The following HHLA2 variants were observed in gnomAD, a reference collection of about 807,000 sequenced individuals.
HHLA2 encodes HHLA2 member of B7 family, also known as HERV-H LTR-associating protein 2.
A neutral mutation model predicts 45.9 loss-of-function variants in HHLA2; 48 were observed. The ratio of observed to expected loss-of-function variants is 1.05; its 90% CI spans 0.83 to 1.33. HHLA2 has a LOEUF of 1.33. HHLA2 is among the 40% of genes most tolerant of loss of function. HHLA2 has a pLI of 0.00. For synonymous variants in HHLA2, 161 were observed against 173.9 expected, an observed-to-expected ratio of 0.93 and a Z score of 0.59; for missense variants, 462 against 494.3, an observed-to-expected ratio of 0.93 and a Z score of 0.62.
chr3:108,338,261 T>C (rs941374874), intron 3 of HHLA2, among the ~76,000 whole-genome samples: 5 of 152,050 alleles, frequency 3.3e-5, no homozygotes, highest in African/African-American at 1.2e-4. Flanking sequence ...AAATATTTCA[T>C]ATATTTGAAT....
At chr3:108,332,610 A>G (rs2081405554) in intron 3 of HHLA2, among the ~76,000 whole-genome samples, 1 of 152,168 alleles carries the variant, frequency 6.6e-6, no homozygotes, top group Non-Finnish European at 1.5e-5. Flanking sequence ...ATGCAAATTC[A>G]TTTGCAGGCT....
rs751863436 is a variant in HHLA2, at chr3:108,376,488, T to G, written c.1160-5T>G. On this transcript the variant is annotated splice_polypyrimidine_tract_variant and splice_region_variant and intron_variant, in intron 9 of 10. Transcript: ENST00000619531. ...ATTTTTAAGTTCTCTTTTTTTTTCC[T>G]GTAGAAAGATGTTGTGTCCCTCCTG... 6.9e-6 allele frequency: 11 copies of G among 1,593,902 alleles called. 1 individual carries two copies. In the South Asian group the frequency reaches 1.3e-4, roughly 18 times the overall value.
intron 8 of HHLA2, among the ~76,000 whole-genome samples, chr3:108,375,021 A>C (rs2082247283): frequency 6.7e-6 from 1 of 149,532 alleles, no homozygotes; most frequent in Admixed American, 6.7e-5. Flanking sequence ...CTATAAAGAC[A>C]CATGCACACG....
chr3:108,326,801 T>A (rs1381108219), intron 2 of HHLA2: 1 of 152,526 alleles, frequency 6.6e-6, no homozygotes, highest in East Asian at 1.9e-4. Context: ...TTTAGGAGAC[T>A]CTGACTTAGA....
chr3:108,364,457 T>TGC (rs2082030877), intron 8 of HHLA2, among the ~76,000 whole-genome samples: 1 of 152,224 alleles, frequency 6.6e-6, no homozygotes, highest in African/African-American at 2.4e-5. Context: ...TAAACATACA[T>TGC]GTGCATGTGT....
chr3:108,324,014 C>T (rs893984144), intron 2 of HHLA2, among the ~76,000 whole-genome samples: 4 of 152,128 alleles, frequency 2.6e-5, no homozygotes, highest in African/African-American at 9.7e-5. Context: ...AAATGCCAGA[C>T]TTAAGATTTC....
chr3:108,319,807 T>C (rs934647002), intron 2 of HHLA2, among the ~76,000 whole-genome samples: 1 of 152,256 alleles, frequency 6.6e-6, no homozygotes, highest in Non-Finnish European at 1.5e-5. Context: ...TTAGTTCTCA[T>C]TGAAGCACTT....
chr3:108,321,552 C>G (rs1276314963), intron 2 of HHLA2, among the ~76,000 whole-genome samples: 1 of 152,050 alleles, frequency 6.6e-6, no homozygotes, highest in African/African-American at 2.4e-5. Context: ...CTGGCCCTTT[C>G]TATTAGCTTT....
chr3:108,321,091 T>TAAAAAAAAAAAAAAAAAAAAAAAAAAAA (rs67374827), intron 2 of HHLA2, among the ~76,000 whole-genome samples: 10 of 101,418 alleles, frequency 9.9e-5, no homozygotes, highest in South Asian at 3.8e-4. Context: ...TCCAGGTGTT[T>TAAAAAAAAAAAAAAAAAAAAAAAAAAAA]AAAAAAAAAA....
At chr3:108,353,466 A>G (rs1039217168) in exon 5 of HHLA2, 3 of 1,598,226 alleles carry the variant, frequency 1.9e-6, no homozygotes, top group Non-Finnish European at 2.6e-6. Flanking sequence ...GTTCCTATGA[A>G]TGAACAAATC....
chr3:108,352,100 T>A (rs1277828185), intron 4 of HHLA2, among the ~76,000 whole-genome samples: 1 of 152,164 alleles, frequency 6.6e-6, no homozygotes, highest in Non-Finnish European at 1.5e-5. Flanking sequence ...ATCTGTTGTC[T>A]GCTACCAGAA....
chr3:108,320,922 C>T (rs894654085), intron 2 of HHLA2, among the ~76,000 whole-genome samples: 1 of 151,954 alleles, frequency 6.6e-6, no homozygotes, highest in Non-Finnish European at 1.5e-5. Flanking sequence ...AAGCTTGTTC[C>T]AGCTCGCAGA....
intron 7 of HHLA2, among the ~76,000 whole-genome samples, chr3:108,361,056 G>A (rs1457241833): frequency 6.6e-6 from 1 of 152,164 alleles, no homozygotes; most frequent in Non-Finnish European, 1.5e-5. Context: ...GCAGGGTTCT[G>A]ACTTTGGTAA....
At chr3:108,302,367 C>T (rs577463094) in intron 1 of HHLA2, 3 of 152,154 alleles carry the variant, frequency 2.0e-5, no homozygotes, top group South Asian at 4.1e-4. Flanking sequence ...CCTGACAGTA[C>T]GCTGAGACAA....
chr3:108,308,915 T>C (rs1408143498), intron 1 of HHLA2, among the ~76,000 whole-genome samples: 1 of 152,220 alleles, frequency 6.6e-6, no homozygotes, highest in East Asian at 1.9e-4. Flanking sequence ...ATGAATCCCT[T>C]GTCAGAGGGG....
At chr3:108,348,967 T>C (rs1187009061) in intron 3 of HHLA2, among the ~76,000 whole-genome samples, 2 of 152,148 alleles carry the variant, frequency 1.3e-5, no homozygotes, top group Non-Finnish European at 2.9e-5. Flanking sequence ...GGACATGAAC[T>C]CATCCTTTTT....
intron 8 of HHLA2, among the ~76,000 whole-genome samples, chr3:108,370,827 T>C (rs2082156858): frequency 6.6e-6 from 1 of 152,094 alleles, no homozygotes; most frequent in African/African-American, 2.4e-5. Context: ...TGGGACTATG[T>C]GAAAAGACTA....
At chr3:108,315,682 C>T in intron 2 of HHLA2, among the ~76,000 whole-genome samples, 1 of 152,172 alleles carries the variant, frequency 6.6e-6, no homozygotes, top group African/African-American at 2.4e-5. Context: ...CAGCTGGCAG[C>T]TGGCTTCTCT....
chr3:108,299,270 CTTAGTTT>C, intron 1 of HHLA2, among the ~76,000 whole-genome samples: 1 of 150,910 alleles, frequency 6.6e-6, no homozygotes. Flanking sequence ...GGAAAATAAA[CTTAGTTT>C]AAAAAAAGAC....
Sources: gnomAD v4.1 joint callset for allele counts (sites outside exome capture counted in the v4.1 genomes callset) on GRCh38, gnomAD v4.1.1 for gene constraint, MANE v1.5 for transcripts, NCBI Gene and HGNC (gene_info 2026-07-23, HGNC 2026-07-21) for gene names.